The following ASIC1 variants were observed in gnomAD, a reference collection of about 807,000 sequenced individuals.
The protein encoded by ASIC1 is acid-sensing ion channel 1.
A neutral mutation model predicts 63.4 loss-of-function variants in ASIC1; 21 were observed. That is an observed-to-expected ratio of 0.33 (90% CI 0.23 to 0.48). The LOEUF (loss-of-function observed/expected upper bound fraction) is 0.48, where lower values mean the gene tolerates loss of function less well. Among genes scored for constraint, ASIC1 ranks in the 20% least tolerant of loss-of-function variants. The pLI is 0.99. For synonymous variants in ASIC1, 258 were observed against 278.2 expected, an observed-to-expected ratio of 0.93 and a Z score of 0.72; for missense variants, 478 against 695.5, an observed-to-expected ratio of 0.69 and a Z score of 3.52.
intron 3 of ASIC1, among the ~76,000 whole-genome samples, chr12:50,071,550 G>A (rs1161488390): frequency 6.6e-6 from 1 of 152,028 alleles, no homozygotes; most frequent in Non-Finnish European, 1.5e-5. Flanking sequence ...CCAAAGTGCT[G>A]GGATTACAGG....
chr12:50,078,169 A>G lies in ASIC1; in HGVS notation c.837+42A>G. The stretch of plus-strand genomic sequence containing the variant: ...AGGCTGGTCCTGGGGTGGGGTATTG[A>G]GGGGTCCAGATGGAGTGGTGGGCAA... On this transcript the variant is annotated intron_variant, in intron 5 of 11. Coordinates refer to ENST00000447966, the MANE Select transcript of ASIC1 (RefSeq NM_001095.4). The surrounding 1 kb of genome is among the most constrained non-coding windows in gnomAD (Gnocchi z 6.0). The G allele has an allele frequency of 6.3e-7, 1 of 1,594,240 alleles. No homozygotes were observed. The highest frequency in any genetic ancestry group is 8.5e-7 in the Non-Finnish European group (1 of 1,171,280).
At chr12:50,063,422 C>T (rs1950518410) in intron 3 of ASIC1, among the ~76,000 whole-genome samples, 1 of 152,174 alleles carries the variant, frequency 6.6e-6, no homozygotes. Context: ...AGACCCTTTG[C>T]CTAGCGGAGA....
chr12:50,074,235 C>T lies in ASIC1; in HGVS notation c.559-2978C>T. ...AAGGGGGACCCTGCGGCCCTCACAA[C>T]TTCTCAGTGGTGAGTGGAGCCCCAT... On this transcript the variant is annotated intron_variant, in intron 3 of 11. Coordinates refer to ENST00000447966, the MANE Select transcript of ASIC1 (RefSeq NM_001095.4). The surrounding 1 kb of genome is among the most constrained non-coding windows in gnomAD (Gnocchi z 4.2). 6.7e-7 allele frequency: 1 copy of T among 1,486,132 alleles called. No individual in the cohort carries two copies. Among genetic ancestry groups the T allele is most frequent in the South Asian group, 1.3e-5 (1 of 77,362 alleles). The allele number at this position is 1,486,132 out of a possible 1,614,324, so 92.1% of individuals were successfully genotyped here.
In ASIC1 at chr12:50,059,042, G is replaced by T. The variant is rs924916569; in HGVS notation, c.276G>T (p.Leu92=). Residue 92 remains leucine (L), a synonymous_variant, in exon 2 of 12, where the codon CTG becomes CTT. Transcript: ENST00000447966. This position sits in a 1 kb window ranked among gnomAD's most constrained non-coding sequence, Gnocchi z 4.6. ...ASQLTFPAVT[L]CNLNEFRFSQ... ...AGCTTACCTTCCCTGCTGTCACGCT[G>T]TGCAACCTCAACGAGTTCCGCTTTA... 2.5e-6 allele frequency: 4 copies of T among 1,614,088 alleles called. No individual in the cohort carries two copies. The highest frequency in any genetic ancestry group is 3.4e-6 in the Non-Finnish European group (4 of 1,180,038).
At position 50,078,258 on chromosome 12, in the gene ASIC1, G is replaced by A. The variant is rs901881463; in HGVS notation, c.837+131G>A. The A allele has an allele frequency of 1.7e-5, 25 of 1,510,658 alleles. No homozygotes were observed. The highest frequency in any genetic ancestry group is 2.1e-5 in the Non-Finnish European group (24 of 1,122,034). 93.6% of individuals were successfully genotyped at this position (1,510,658 alleles called of 1,614,324 possible). On this transcript the variant is annotated intron_variant, in intron 5 of 11. Transcript: ENST00000447966. This position sits in a 1 kb window ranked among gnomAD's most constrained non-coding sequence, Gnocchi z 6.0. ...GTAATCTGGCTAGTCAGAAGCATGA[G>A]TGATCGAATGAACAAGAATGCTCTG... is the stretch of plus-strand genomic sequence containing the variant.
At position 50,074,104 on chromosome 12, in the gene ASIC1, G is replaced by GCTCCAC; in HGVS notation, c.559-3107_559-3102dup. The GCTCCAC allele has an allele frequency of 6.5e-7, 1 of 1,535,540 alleles. No individual in the cohort carries two copies. Among genetic ancestry groups the GCTCCAC allele is most frequent in the Middle Eastern group, 1.7e-4 (1 of 5,984 alleles). On this transcript the variant is annotated intron_variant, in intron 3 of 11. Transcript: ENST00000447966. The surrounding 1 kb of genome is among the most constrained non-coding windows in gnomAD (Gnocchi z 4.2). ...AAGTGATGACCCCGGGGTGCCCCTC[G>GCTCCAC]CTCCACCGGGCCCTGAGGCCTTCTC...
At chr12:50,071,894 C>T (rs949808006) in intron 3 of ASIC1, among the ~76,000 whole-genome samples, 11 of 152,074 alleles carry the variant, frequency 7.2e-5, no homozygotes, top group African/African-American at 2.7e-4. Flanking sequence ...GGCAGGGAGA[C>T]CAGTTGAGAG....
rs1207778922 is a variant in ASIC1 at position 50,059,210 on chromosome 12, A to G, written c.362+82A>G. ...AGGATGTCTGCCTCCCTGACCCACC[A>G]TAGAGCCCAGCCAACCCTGCCCTTT... On this transcript the variant is annotated intron_variant, in intron 2 of 11. Transcript: ENST00000447966. This position sits in a 1 kb window ranked among gnomAD's most constrained non-coding sequence, Gnocchi z 4.6. The G allele has an allele frequency of 3.9e-6, 6 of 1,545,442 alleles. No homozygotes were observed. The highest frequency in any genetic ancestry group is 1.2e-5 in the South Asian group (1 of 81,798).
chr12:50,081,589 C>G lies in ASIC1; in HGVS notation c.1527C>G (p.Tyr509Ter). 1.2e-6 allele frequency: 2 copies of G among 1,614,100 alleles called. No individual in the cohort carries two copies. The highest frequency in any genetic ancestry group is 1.1e-5 in the South Asian group (1 of 91,086). ...GGGGCCACCCTGCCGGGATGACATA[C>G]GCTGCCAACATCCTACCTCACCATC... ...SLRGHPAGMTYAANILPHHPA... is the reference protein window; with the variant it reads ...SLRGHPAGMT Residue 509 changes from tyrosine to a stop codon, truncating the protein, a stop_gained, in exon 12 of 12, where the codon TAC (tyrosine) becomes TAG (stop). Coordinates refer to ENST00000447966, the MANE Select transcript of ASIC1 (RefSeq NM_001095.4). LOFTEE classifies it high-confidence loss of function.
rs1406892575 is a variant in ASIC1, at chr12:50,077,200, C to T, written c.559-13C>T. On this transcript the variant is annotated splice_polypyrimidine_tract_variant and intron_variant, in intron 3 of 11. Coordinates refer to ENST00000447966, the MANE Select transcript of ASIC1 (RefSeq NM_001095.4). ...TGGCAGGACTCTTAGGCTCTCCACT[C>T]TGCCCTCGCCAGGTCTTCACACGCT... 1 of 1,604,110 alleles carries T rather than the reference C, an allele frequency of 6.2e-7. No homozygotes were observed.
chr12:50,073,852 GT>G, intron 3 of ASIC1: 1 of 1,531,394 alleles, frequency 6.5e-7, no homozygotes, highest in Non-Finnish European at 8.7e-7. Flanking sequence ...GCCAAGGCAG[GT>G]GCTGTGGGCG....
Position 50,081,661 on chromosome 12 carries a change from C to T in ASIC1, c.*12C>T. 19 of 1,612,300 alleles carry T rather than the reference C, an allele frequency of 1.2e-5. No individual in the cohort carries two copies. Among genetic ancestry groups the T allele is most frequent in the Non-Finnish European group, 1.5e-5 (18 of 1,179,096 alleles). On this transcript the variant is annotated 3_prime_UTR_variant, in exon 12 of 12. Coordinates refer to ENST00000447966, the MANE Select transcript of ASIC1 (RefSeq NM_001095.4). ...ACTTTACCTGCTGAGCCCCGCAGGC[C>T]GCTGAACCAAAGGCCTAGATGGGGA...
At position 50,058,774 on chromosome 12, in the gene ASIC1, T is replaced by C; in HGVS notation, c.8T>C (p.Leu3Pro). ...AGGATCCCCTCAACAAGGATGGAAC[T>C]GAAGGCCGAGGAGGAGGAGGTGGGT... MELKAEEEEVGGV... is the reference protein window; with the variant it reads MEPKAEEEEVGGV... Residue 3 changes from leucine (L) to proline (P), a missense_variant, in exon 2 of 12, where the codon CTG becomes CCG. Around this residue, in one of 3 missense-constraint regions of ASIC1, gnomAD observed 290 missense variants for 414.9 expected, o/e 0.70. Coordinates refer to ENST00000447966, the MANE Select transcript of ASIC1 (RefSeq NM_001095.4). 1 of 1,580,770 alleles carries C rather than the reference T, an allele frequency of 6.3e-7. No individual in the cohort carries two copies. Among genetic ancestry groups the C allele is most frequent in the Non-Finnish European group, 8.6e-7 (1 of 1,160,346 alleles).
chr12:50,073,873 G>T (rs1443774021), intron 3 of ASIC1: 128 of 1,532,988 alleles, frequency 8.3e-5, no homozygotes, highest in Non-Finnish European at 1.7e-5. Flanking sequence ...GGTGGCCTTT[G>T]TCCTGGCACT....
intron 3 of ASIC1, among the ~76,000 whole-genome samples, chr12:50,060,754 C>T (rs919916905): frequency 1.3e-5 from 2 of 152,166 alleles, no homozygotes; most frequent in African/African-American, 2.4e-5. Flanking sequence ...TGCTGGGCAA[C>T]CCTGGGCAAG....
chr12:50,078,281 C>T lies in ASIC1; in HGVS notation c.838-140C>T, dbSNP rs1051048407. On this transcript the variant is annotated intron_variant, in intron 5 of 11. Coordinates refer to ENST00000447966, the MANE Select transcript of ASIC1 (RefSeq NM_001095.4). The surrounding 1 kb of genome is among the most constrained non-coding windows in gnomAD (Gnocchi z 6.0). ...GAGTGATCGAATGAACAAGAATGCTCTGTAAACTCTGAGACCTTTGGAGGC... is the reference window on the plus strand; with the variant it reads ...GAGTGATCGAATGAACAAGAATGCTTTGTAAACTCTGAGACCTTTGGAGGC... The T allele has an allele frequency of 3.3e-6, 5 of 1,505,794 alleles. No individual in the cohort carries two copies. Among genetic ancestry groups the T allele is most frequent in the African/African-American group, 2.8e-5 (2 of 71,958 alleles). 93.3% of individuals were successfully genotyped at this position (1,505,794 alleles called of 1,614,324 possible).
At chr12:50,076,798 A>C (rs972234654) in intron 3 of ASIC1, 1 of 367,620 alleles carries the variant, frequency 2.7e-6, no homozygotes, top group Non-Finnish European at 5.3e-6. Flanking sequence ...GAAGAAGCAC[A>C]AAAGAAGACA....
chr12:50,078,180 T>C lies in ASIC1; in HGVS notation c.837+53T>C. 6.3e-7 allele frequency: 1 copy of C among 1,579,564 alleles called. No individual in the cohort carries two copies. The highest frequency in any genetic ancestry group is 8.6e-7 in the Non-Finnish European group (1 of 1,165,016). On this transcript the variant is annotated intron_variant, in intron 5 of 11. Transcript: ENST00000447966. The surrounding 1 kb of genome is among the most constrained non-coding windows in gnomAD (Gnocchi z 6.0). ...GGGGTGGGGTATTGAGGGGTCCAGA[T>C]GGAGTGGTGGGCAATCAGTAATGGG...
Position 50,058,998 on chromosome 12 carries a change from G to A in ASIC1, c.232G>A (p.Asp78Asn), listed in dbSNP as rs780194390. The change falls in exon 2 of 12, where the codon GAC becomes AAC. Residue 78 changes from aspartate to asparagine, a missense_variant. By Grantham distance (23) the Asp-to-Asn change is conservative. Around this residue, in one of 3 missense-constraint regions of ASIC1, gnomAD observed 290 missense variants for 414.9 expected, o/e 0.70. Transcript: ENST00000447966. Reference sequence around the variant, plus strand: ...CCACTACCACCATGTCACCAAGCTCGACGAGGTGGCTGCCTCTCAGCTTAC... The same window carrying A: ...CCACTACCACCATGTCACCAAGCTCAACGAGGTGGCTGCCTCTCAGCTTAC... ...YFHYHHVTKL[D>N]EVAASQLTFP... 1.4e-5 allele frequency: 22 copies of A among 1,614,092 alleles called. No individual in the cohort carries two copies. Among genetic ancestry groups the A allele is most frequent in the Non-Finnish European group, 1.8e-5 (21 of 1,180,044 alleles).
Sources: allele counts gnomAD v4.1 joint callset (sites outside exome capture counted in the v4.1 genomes callset), GRCh38; gene constraint gnomAD v4.1.1; regional missense constraint gnomAD v4.1.1; non-coding constraint Gnocchi (gnomAD v3.1); transcripts MANE v1.5; gene names NCBI Gene and HGNC (gene_info 2026-07-23, HGNC 2026-07-21).